The following RHOQ variants were observed in gnomAD, a reference collection of about 807,000 sequenced individuals.
The protein encoded by RHOQ is ras homolog family member Q.
RHOQ carries 7 observed loss-of-function variants against 25.8 expected under a neutral mutation model. The observed-to-expected ratio is 0.27, with a 90% CI of 0.15 to 0.51. The LOEUF (loss-of-function observed/expected upper bound fraction) is 0.51, where lower values mean the gene tolerates loss of function less well. Among genes scored for constraint, RHOQ ranks in the 20% least tolerant of loss-of-function variants. The probability of loss-of-function intolerance (pLI) is 0.97; values close to 1 mark genes in which losing one functional copy is unlikely to be tolerated. For missense variants in RHOQ, 165 were observed against 260.6 expected (o/e 0.63, Z 2.53); for synonymous variants, 97 against 98.6 (o/e 0.98, Z 0.10).
chr2:46,578,222 C>T (rs1052971289), intron 4 of RHOQ, among the ~76,000 whole-genome samples: 2 of 151,936 alleles, frequency 1.3e-5, no homozygotes, highest in African/African-American at 4.8e-5. Flanking sequence ...ATTATAATAC[C>T]CGTGTAGTAA....
intron 2 of RHOQ, among the ~76,000 whole-genome samples, chr2:46,544,245 A>T (rs1030585679): frequency 6.6e-6 from 1 of 152,156 alleles, no homozygotes; most frequent in East Asian, 1.9e-4. Context: ...ATCTAATATG[A>T]TGGGAAGGCA....
At chr2:46,575,397 CT>C (rs1394876052) in intron 2 of RHOQ, among the ~76,000 whole-genome samples, 8 of 105,050 alleles carry the variant, frequency 7.6e-5, no homozygotes, top group Admixed American at 3.3e-4. Flanking sequence ...CTCTTTAAAT[CT>C]TCACACACAC....
intron 2 of RHOQ, among the ~76,000 whole-genome samples, chr2:46,558,021 A>G (rs1003162620): frequency 6.6e-6 from 1 of 152,204 alleles, no homozygotes; most frequent in African/African-American, 2.4e-5. Context: ...CAAGTGAACA[A>G]TTATCTTGTT....
Position 46,546,474 on chromosome 2 carries a change from GTGTATATATATATA to G in RHOQ, c.201+2664_201+2677del, listed in dbSNP as rs1477542394. Reference sequence around the variant, plus strand: ...TACATATATATATATATATATATATGTGTATATATATATATATATATATATATATATATATATGT... The same window carrying G: ...TACATATATATATATATATATATATGTATATATATATATATATATATATGT... On this transcript the variant is annotated intron_variant, in intron 2 of 4. Transcript: ENST00000238738. 1.3e-3 allele frequency among the ~76,000 whole-genome samples: 22 copies of G among 16,958 alleles called. 1 individual carries two copies. Among genetic ancestry groups the G allele is most frequent in the Non-Finnish European group, 2.0e-3 (19 of 9,568 alleles). 11.1% of individuals were successfully genotyped at this position (16,958 alleles called of 152,430 possible). A position where few individuals can be genotyped will look rare whatever the true frequency, so the allele number is the denominator to read the frequency against.
chr2:46,549,796 G>A (rs529134131), intron 2 of RHOQ, among the ~76,000 whole-genome samples: 2 of 152,138 alleles, frequency 1.3e-5, no homozygotes, highest in African/African-American at 2.4e-5. Flanking sequence ...TGGGTAGAAC[G>A]CTCTCCTGCC....
chr2:46,549,505 G>T (rs1446231554), intron 2 of RHOQ, among the ~76,000 whole-genome samples: 1 of 152,186 alleles, frequency 6.6e-6, no homozygotes, highest in African/African-American at 2.4e-5. Flanking sequence ...TGCTACAGAG[G>T]CCTCAGACAC....
intron 2 of RHOQ, among the ~76,000 whole-genome samples, chr2:46,565,180 G>T (rs1368857315): frequency 1.3e-5 from 2 of 152,122 alleles, no homozygotes; most frequent in Non-Finnish European, 2.9e-5. Context: ...TTAGTGGGAG[G>T]GGCAGGAGTG....
intron 4 of RHOQ, chr2:46,580,319 C>T (rs768834941): frequency 2.0e-5 from 3 of 152,348 alleles, no homozygotes; most frequent in African/African-American, 7.2e-5. Flanking sequence ...ATGTTCTTCC[C>T]TATGGACATG....
chr2:46,566,826 A>T lies in RHOQ; in HGVS notation c.202-9261A>T, dbSNP rs1355039075. The stretch of plus-strand genomic sequence containing the variant: ...AGCGGTCCCTCAGGTCTCAGGTTGA[A>T]CATCACCCCTGCAGAGAGGTCTTTC... On this transcript the variant is annotated intron_variant, in intron 2 of 4. Transcript: ENST00000238738. The surrounding 1 kb of genome is among the most constrained non-coding windows in gnomAD (Gnocchi z 4.2). 6.6e-6 allele frequency among the ~76,000 whole-genome samples: 1 copy of T among 152,130 alleles called. No individual in the cohort carries two copies. Among genetic ancestry groups the T allele is most frequent in the Non-Finnish European group, 1.5e-5 (1 of 68,030 alleles).
chr2:46,573,041 G>T (rs762865374), intron 2 of RHOQ, among the ~76,000 whole-genome samples: 1 of 151,262 alleles, frequency 6.6e-6, no homozygotes, highest in East Asian at 1.9e-4. Context: ...AAGCAGAAAG[G>T]TCTCATTCTT....
chr2:46,574,468 C>T (rs1479611293), intron 2 of RHOQ, among the ~76,000 whole-genome samples: 1 of 151,958 alleles, frequency 6.6e-6, no homozygotes, highest in Admixed American at 6.6e-5. Context: ...AAGAAGTCTT[C>T]CTCTAGTAAC....
chr2:46,564,358 T>G (rs571644314), intron 2 of RHOQ, among the ~76,000 whole-genome samples: 2 of 152,306 alleles, frequency 1.3e-5, no homozygotes, highest in Admixed American at 1.3e-4. Flanking sequence ...TGGCATTTAG[T>G]ACATTCACTG....
chr2:46,571,737 C>T (rs1668921580), intron 2 of RHOQ, among the ~76,000 whole-genome samples: 1 of 152,168 alleles, frequency 6.6e-6, no homozygotes, highest in African/African-American at 2.4e-5. Flanking sequence ...TTGCTGATTG[C>T]TTTTAAATAA....
intron 2 of RHOQ, among the ~76,000 whole-genome samples, chr2:46,557,637 A>G (rs1668446458): frequency 6.6e-6 from 1 of 152,184 alleles, no homozygotes; most frequent in East Asian, 1.9e-4. Flanking sequence ...TTTTAAAAAA[A>G]CTCATTTTTA....
intron 2 of RHOQ, among the ~76,000 whole-genome samples, chr2:46,560,993 AC>A (rs1326969213): frequency 7.5e-6 from 1 of 132,690 alleles, no homozygotes; most frequent in African/African-American, 3.1e-5. Context: ...CCTACTATAG[AC>A]CCCATAAACA....
chr2:46,572,201 C>G (rs1668954125), intron 2 of RHOQ, among the ~76,000 whole-genome samples: 1 of 138,154 alleles, frequency 7.2e-6, no homozygotes, highest in Non-Finnish European at 1.5e-5. Flanking sequence ...CTCTTGAGCT[C>G]AACTGATCCA....
At chr2:46,567,358 T>G (rs1469735935) in intron 2 of RHOQ, among the ~76,000 whole-genome samples, 1 of 152,082 alleles carries the variant, frequency 6.6e-6, no homozygotes, top group African/African-American at 2.4e-5. Flanking sequence ...TCTGTGATGG[T>G]AAGTAAATCC....
chr2:46,563,228 G>A (rs1312365152), intron 2 of RHOQ, among the ~76,000 whole-genome samples: 2 of 152,178 alleles, frequency 1.3e-5, no homozygotes, highest in Non-Finnish European at 2.9e-5. Context: ...GTGGTTAGGA[G>A]AATTGCATTC....
At chr2:46,579,169 T>C (rs1669249773) in intron 4 of RHOQ, among the ~76,000 whole-genome samples, 1 of 152,214 alleles carries the variant, frequency 6.6e-6, no homozygotes, top group African/African-American at 2.4e-5. Flanking sequence ...TCATCAGCAT[T>C]TGGCACAGTT....
Sources: gnomAD v4.1 joint callset for allele counts (sites outside exome capture counted in the v4.1 genomes callset) on GRCh38, gnomAD v4.1.1 for gene constraint, Gnocchi (gnomAD v3.1) non-coding constraint, MANE v1.5 for transcripts, NCBI Gene and HGNC (gene_info 2026-07-23, HGNC 2026-07-21) for gene names.